Variants in AEN observed in about 807,000 individuals in gnomAD.
AEN encodes apoptosis enhancing nuclease.
Under a neutral mutation model 17.7 loss-of-function variants are expected in AEN, and 21 were observed. The observed-to-expected ratio is 1.19, with a 90% confidence interval of 0.84 to 1.71. The LOEUF is 1.71. Ranked by LOEUF, AEN falls within the 40% of genes most tolerant of loss-of-function variation. The pLI is 0.00. For synonymous variants in AEN, 190 were observed against 173.0 expected (o/e 1.10, Z -0.77); for missense variants, 462 against 435.9 (o/e 1.06, Z -0.53).
intron 1 of AEN, among the ~76,000 whole-genome samples, chr15:88,625,040 A>G (rs926104335): frequency 2.0e-5 from 3 of 152,216 alleles, no homozygotes; most frequent in African/African-American, 4.8e-5. Context: ...GCAAACTCAC[A>G]TGAACATCAG....
At chr15:88,628,969 C>T (rs1434132418) in intron 2 of AEN, 1 of 471,184 alleles carries the variant, frequency 2.1e-6, no homozygotes. Flanking sequence ...TTAGAGCCAC[C>T]CCACGGAATG....
chr15:88,608,841 A>G, the AEN span, among the ~76,000 whole-genome samples: 5 of 152,232 alleles, frequency 3.3e-5, no homozygotes, highest in African/African-American at 1.2e-4. Context: ...GACTTGTTGC[A>G]GGTAGGTGAT....
upstream of AEN, among the ~76,000 whole-genome samples, chr15:88,619,823 T>C (rs77147115): frequency 0.013 from 1,960 of 152,296 alleles, 36 homozygotes; most frequent in African/African-American, 0.038. Context: ...TAAGTAGCAT[T>C]TGAATCTGTC....
Position 88,631,286 on chromosome 15 carries a change from C to T in AEN, c.*992C>T. ...CAGGGCATTGGCAGTTACGCAGTGG[C>T]CCTGAACCTGGTCTGGTGCCCCCGA... On this transcript the variant is annotated 3_prime_UTR_variant, in exon 4 of 4. Transcript: ENST00000332810. The T allele has an allele frequency of 2.5e-6, 1 of 394,368 alleles. No homozygotes were observed. The highest frequency in any genetic ancestry group is 5.4e-6 in the Non-Finnish European group (1 of 184,628). The allele number at this position is 394,368 out of a possible 1,614,324, so 24.4% of individuals were successfully genotyped here. A position where few individuals can be genotyped will look rare whatever the true frequency, so the allele number is the denominator to read the frequency against.
chr15:88,625,295 G>A lies in AEN; in HGVS notation c.-64-851G>A, dbSNP rs148066714. ...AGTACTTTGGGAGGCCGAAGTGGGC[G>A]GATCACTTGAGCCCAGTTTAAGACC... On this transcript the variant is annotated intron_variant, in intron 1 of 3. Transcript: ENST00000332810. Among the ~76,000 whole-genome samples the A allele has an allele frequency of 3.3e-5, 5 of 152,216 alleles. No homozygotes were observed. The East Asian group carries it at 5.8e-4, about 18-fold the overall frequency.
chr15:88,604,828 T>G, the AEN span: 2 of 152,502 alleles, frequency 1.3e-5, no homozygotes, highest in Non-Finnish European at 2.9e-5. This position sits in a 1 kb window ranked among gnomAD's most constrained non-coding sequence, Gnocchi z 8.1. Flanking sequence ...ACTGCGCTGC[T>G]ACTTGCACTG....
the AEN span, chr15:88,611,905 C>A: frequency 1.9e-6 from 1 of 515,300 alleles, no homozygotes; most frequent in South Asian, 1.5e-5. Context: ...ACAACAAATC[C>A]CAGTCTACCT....
chr15:88,604,924 C>T, the AEN span: 1 of 152,256 alleles, frequency 6.6e-6, no homozygotes, highest in Non-Finnish European at 1.5e-5. The surrounding 1 kb of genome is among the most constrained non-coding windows in gnomAD (Gnocchi z 8.1). Flanking sequence ...TGGTCTTCCT[C>T]CCTAGCCGCG....
rs79160957 is a variant in AEN at position 88,623,913 on chromosome 15, G to T, written c.-64-2233G>T. ...ATGCTCTACACCCCAGTGACTTGAG[G>T]CTGCTGGTGGGCCCTCTTCCTCCAC... On this transcript the variant is annotated intron_variant, in intron 1 of 3. Coordinates refer to ENST00000332810, the MANE Select transcript of AEN (RefSeq NM_022767.4). 6.5e-3 allele frequency among the ~76,000 whole-genome samples: 995 copies of T among 152,366 alleles called. 12 individuals carry two copies. The highest frequency in any genetic ancestry group is 0.022 in the African/African-American group (927 of 41,586).
Position 88,629,287 on chromosome 15 carries a change from C to A in AEN, c.602C>A (p.Ala201Glu), listed in dbSNP as rs368922473. The A allele has an allele frequency of 6.2e-7, 1 of 1,614,162 alleles. No homozygotes were observed. Among genetic ancestry groups the A allele is most frequent in the African/African-American group, 1.3e-5 (1 of 75,040 alleles). ...CACGCGCTGCACAACGACTTCCAGGCGCTCAAGTATGTCCACCCTCGGAGC... is the reference window on the plus strand; with the variant it reads ...CACGCGCTGCACAACGACTTCCAGGAGCTCAAGTATGTCCACCCTCGGAGC... Reference protein sequence around the residue: ...VGHALHNDFQALKYVHPRSQT... With the variant: ...VGHALHNDFQELKYVHPRSQT... Residue 201 changes from alanine (A) to glutamate (E), a missense_variant, in exon 3 of 4, where the codon GCG (alanine) becomes GAG (glutamate). Coordinates refer to ENST00000332810, the MANE Select transcript of AEN (RefSeq NM_022767.4).
chr15:88,627,673 T>C (rs1412117738), intron 2 of AEN: 3 of 152,194 alleles, frequency 2.0e-5, no homozygotes, highest in Non-Finnish European at 4.4e-5. Context: ...GTGTGGCTCA[T>C]CACACAGGTG....
intron 1 of AEN, among the ~76,000 whole-genome samples, chr15:88,624,385 C>G (rs959378785): frequency 1.3e-5 from 2 of 152,178 alleles, no homozygotes; most frequent in Non-Finnish European, 1.5e-5. Flanking sequence ...GGAGGCTGCT[C>G]TGGCCTGAGA....
In AEN at chr15:88,626,548, C is replaced by T. The variant is rs761863347; in HGVS notation, c.339C>T (p.Ile113=). The change falls in exon 2 of 4, where the codon ATC becomes ATT. Residue 113 remains isoleucine (I), a synonymous_variant. Transcript: ENST00000332810. ...CCTTGCCCAGCAAGTGTGTGGCTAT[C>T]GACTGTGAGATGGTGGGCACGGGAC... ...SGPLPSKCVA[I]DCEMVGTGPR... The T allele has an allele frequency of 9.3e-6, 15 of 1,614,052 alleles. No homozygotes were observed. The highest frequency in any genetic ancestry group is 1.3e-5 in the Non-Finnish European group (15 of 1,180,052).
the AEN span, among the ~76,000 whole-genome samples, chr15:88,606,603 G>A: frequency 4.6e-5 from 7 of 152,200 alleles, no homozygotes; most frequent in African/African-American, 1.7e-4. Flanking sequence ...CTGTTGCCTT[G>A]GTTACGGTGG....
At chr15:88,612,376 G>A in the AEN span, among the ~76,000 whole-genome samples, 5 of 151,974 alleles carry the variant, frequency 3.3e-5, no homozygotes, top group Middle Eastern at 3.2e-3. Context: ...ACCTGACCTC[G>A]GAGCTTGTCT....
At chr15:88,606,135 G>A in the AEN span, among the ~76,000 whole-genome samples, 1 of 152,212 alleles carries the variant, frequency 6.6e-6, no homozygotes, top group African/African-American at 2.4e-5. Flanking sequence ...GCGGGACAGA[G>A]GATCTACTGT....
chr15:88,613,588 G>A, the AEN span, among the ~76,000 whole-genome samples: 21 of 151,880 alleles, frequency 1.4e-4, no homozygotes, highest in South Asian at 4.2e-4. Flanking sequence ...AAGCATCTCG[G>A]GGGGGGATGT....
upstream of AEN, among the ~76,000 whole-genome samples, chr15:88,617,108 A>T (rs1430521633): frequency 6.6e-6 from 1 of 152,290 alleles, no homozygotes; most frequent in Middle Eastern, 3.4e-3. Context: ...TATTTTTTGT[A>T]GAGGTGGGGT....
rs764340767 is a variant in AEN at position 88,631,812 on chromosome 15, C to T, written c.*1518C>T. On this transcript the variant is annotated 3_prime_UTR_variant, in exon 4 of 4. Coordinates refer to ENST00000332810, the MANE Select transcript of AEN (RefSeq NM_022767.4). ...TGGGGCGCTGGCCTCGGTGAGGGCA[C>T]AGCAGCAAGGTTCACGGATATCCGT... is the stretch of plus-strand genomic sequence containing the variant. The T allele has an allele frequency of 5.5e-4, 84 of 152,672 alleles. No homozygotes were observed. Among genetic ancestry groups the T allele is most frequent in the Non-Finnish European group, 8.5e-4 (58 of 68,302 alleles). The allele number at this position is 152,672 out of a possible 1,614,324, so 9.5% of individuals were successfully genotyped here.
Sources: allele counts gnomAD v4.1 joint callset (sites outside exome capture counted in the v4.1 genomes callset), GRCh38; gene constraint gnomAD v4.1.1; non-coding constraint Gnocchi (gnomAD v3.1); transcripts MANE v1.5; gene names NCBI Gene and HGNC (gene_info 2026-07-23, HGNC 2026-07-21).